Variants in IL26 observed in about 807,000 individuals in gnomAD.
The protein encoded by IL26 is interleukin 26, also known as interleukin-26.
In IL26, 23 loss-of-function variants were observed where a neutral mutation model predicts 21.7. The ratio of observed to expected loss-of-function variants is 1.06; its 90% CI spans 0.76 to 1.50. IL26 has a LOEUF of 1.50. Ranked by LOEUF, IL26 falls within the 40% of genes most tolerant of loss-of-function variation. The pLI is 0.00. For synonymous variants in IL26, 63 were observed against 67.8 expected (o/e 0.93, Z 0.34); for missense variants, 204 against 196.0 (o/e 1.04, Z -0.24).
At chr12:68,209,376 A>T (rs1868638431) in intron 3 of IL26, among the ~76,000 whole-genome samples, 1 of 152,240 alleles carries the variant, frequency 6.6e-6, no homozygotes, top group South Asian at 2.1e-4. Flanking sequence ...CATTGCATTA[A>T]GCACATGATT....
chr12:68,208,968 C>A (rs1868625892), intron 3 of IL26, among the ~76,000 whole-genome samples: 1 of 152,130 alleles, frequency 6.6e-6, no homozygotes, highest in South Asian at 2.1e-4. Flanking sequence ...GTCCACAAGC[C>A]TACTTGTTTC....
chr12:68,205,901 T>C (rs911440288), intron 3 of IL26, among the ~76,000 whole-genome samples: 4 of 152,240 alleles, frequency 2.6e-5, no homozygotes, highest in Non-Finnish European at 4.4e-5. Flanking sequence ...GCTTCTTCTA[T>C]GTCTTCTTCC....
intron 3 of IL26, among the ~76,000 whole-genome samples, chr12:68,214,922 C>A (rs980503716): frequency 6.6e-6 from 1 of 150,394 alleles, no homozygotes; most frequent in African/African-American, 2.4e-5. Flanking sequence ...TTTTTAACTC[C>A]TCTCTTCCTT....
intron 3 of IL26, among the ~76,000 whole-genome samples, chr12:68,223,538 A>T (rs1398753844): frequency 6.6e-6 from 1 of 152,218 alleles, no homozygotes; most frequent in Non-Finnish European, 1.5e-5. Flanking sequence ...CAAATTAGTA[A>T]TGAAAACCTG....
Position 68,222,499 on chromosome 12 carries a change from C to T in IL26, c.363+2650G>A, listed in dbSNP as rs537276181. 6.5e-4 allele frequency among the ~76,000 whole-genome samples: 99 copies of T among 152,338 alleles called. 2 individuals carry two copies. Among genetic ancestry groups the T allele is most frequent in the Middle Eastern group, 6.8e-3 (2 of 294 alleles). ...GCAGCATTCATTGCTCAATCAACCCCTCAGAATCCTGTTTAGCCTATAGCA... is the reference window on the plus strand; with the variant it reads ...GCAGCATTCATTGCTCAATCAACCCTTCAGAATCCTGTTTAGCCTATAGCA... On this transcript the variant is annotated intron_variant, in intron 3 of 4. Coordinates refer to ENST00000229134, the MANE Select transcript of IL26 (RefSeq NM_018402.2).
At position 68,219,167 on chromosome 12, in the gene IL26, G is replaced by C. The variant is rs73332725; in HGVS notation, c.363+5982C>G. ...AATAAAGAGAGAGAAAAAGTAAAAAGCTGTCACAACTAAATCTAATTGAAA... is the reference window on the plus strand; with the variant it reads ...AATAAAGAGAGAGAAAAAGTAAAAACCTGTCACAACTAAATCTAATTGAAA... On this transcript the variant is annotated intron_variant, in intron 3 of 4. Transcript: ENST00000229134. Among the ~76,000 whole-genome samples the C allele has an allele frequency of 7.9e-3, 1,202 of 152,028 alleles. 13 individuals are homozygous for C. Among genetic ancestry groups the C allele is most frequent in the African/African-American group, 0.027 (1,141 of 41,516 alleles).
At chr12:68,210,168 G>A (rs930604083) in intron 3 of IL26, among the ~76,000 whole-genome samples, 7 of 151,692 alleles carry the variant, frequency 4.6e-5, no homozygotes, top group African/African-American at 1.7e-4. Flanking sequence ...TAATTTTATT[G>A]TTTTACTGCA....
intron 3 of IL26, 96 bp downstream of exon 3, chr12:68,225,053 G>T: frequency 1.5e-6 from 2 of 1,299,924 alleles, no homozygotes; most frequent in South Asian, 1.7e-5. Context: ...TACAAAGCTC[G>T]TTTTACTCAC....
At chr12:68,225,059 C>T (rs1869198299) in intron 3 of IL26, 90 bp downstream of exon 3, 3 of 1,351,534 alleles carry the variant, frequency 2.2e-6, no homozygotes, top group East Asian at 4.8e-5. Context: ...GCTCGTTTTA[C>T]TCACCCTTTG....
At chr12:68,204,036 T>A (rs1868459422) in intron 3 of IL26, among the ~76,000 whole-genome samples, 1 of 152,174 alleles carries the variant, frequency 6.6e-6, no homozygotes, top group Non-Finnish European at 1.5e-5. Flanking sequence ...CTGTCATTAG[T>A]GCATCTGTGA....
intron 3 of IL26, among the ~76,000 whole-genome samples, chr12:68,210,338 CAAAAAAAAAAAAAAAA>C (rs540693081): frequency 1.4e-3 from 31 of 22,082 alleles, no homozygotes; most frequent in South Asian, 3.9e-3. Context: ...ATCAGTTTGG[CAAAAAAAAAAAAAAAA>C]AAAAAAAAAA....
At chr12:68,212,076 A>G (rs897237962) in intron 3 of IL26, among the ~76,000 whole-genome samples, 7 of 152,066 alleles carry the variant, frequency 4.6e-5, no homozygotes, top group African/African-American at 1.7e-4. Flanking sequence ...ATAGGAGTTT[A>G]GTTTCATTTT....
At position 68,225,215 on chromosome 12, in the gene IL26, C is replaced by A. The variant is rs1309139507; in HGVS notation, c.297G>T (p.Leu99Phe). The stretch of plus-strand genomic sequence containing the variant: ...CAAAGCGTATTTTCTTGCAGCCTTG[C>A]AATTGCAGTTGACCAAAAACGTCTT... ...FMEDVFGQLQ[L>F]QGCKKIRFVE... is the part of the protein sequence containing the mutation. Residue 99 changes from leucine (L) to phenylalanine (F), a missense_variant, in exon 3 of 5, where the codon TTG becomes TTT. By Grantham distance (22) the Leu-to-Phe change is conservative. Coordinates refer to ENST00000229134, the MANE Select transcript of IL26 (RefSeq NM_018402.2). The A allele has an allele frequency of 6.2e-7, 1 of 1,613,858 alleles. No individual in the cohort carries two copies. Among genetic ancestry groups the A allele is most frequent in the East Asian group, 2.2e-5 (1 of 44,870 alleles).
chr12:68,212,405 T>G (rs1868759270), intron 3 of IL26, among the ~76,000 whole-genome samples: 1 of 152,166 alleles, frequency 6.6e-6, no homozygotes, highest in South Asian at 2.1e-4. Context: ...AATTTTACCA[T>G]GTTTTTCTAT....
chr12:68,217,447 A>G (rs1868917297), intron 3 of IL26, among the ~76,000 whole-genome samples: 1 of 152,154 alleles, frequency 6.6e-6, no homozygotes, highest in African/African-American at 2.4e-5. Context: ...AAATCAGAAA[A>G]CCAACCACTT....
chr12:68,205,856 G>A (rs1186331683), intron 3 of IL26, among the ~76,000 whole-genome samples: 1 of 152,170 alleles, frequency 6.6e-6, no homozygotes. Context: ...GAACCCTTAT[G>A]CCAATTGTCT....
chr12:68,209,126 T>C (rs1014324350), intron 3 of IL26, among the ~76,000 whole-genome samples: 1 of 152,214 alleles, frequency 6.6e-6, no homozygotes, highest in Non-Finnish European at 1.5e-5. Context: ...ATATGATGGC[T>C]AAAGCAAAAA....
chr12:68,203,768 A>C lies in IL26; in HGVS notation c.364-1685T>G, dbSNP rs376523458. Reference sequence around the variant, plus strand: ...AATTGGGATGCTACCTTCAGATCAGACCCTGCATAGGAGGGAAGAGACTCT... The same window carrying C: ...AATTGGGATGCTACCTTCAGATCAGCCCCTGCATAGGAGGGAAGAGACTCT... On this transcript the variant is annotated intron_variant, in intron 3 of 4. Coordinates refer to ENST00000229134, the MANE Select transcript of IL26 (RefSeq NM_018402.2). 4.2e-4 allele frequency among the ~76,000 whole-genome samples: 64 copies of C among 152,170 alleles called. 2 individuals are homozygous for C. In the South Asian group the frequency reaches 0.012, roughly 30 times the overall value.
chr12:68,201,710 C>T lies in IL26; in HGVS notation c.*135G>A. The stretch of plus-strand genomic sequence containing the variant: ...CGTTAATTTACTAAATCCTTCTTGT[C>T]TATTCTGAATCACCTAACATGCCGT... On this transcript the variant is annotated 3_prime_UTR_variant, in exon 5 of 5. Coordinates refer to ENST00000229134, the MANE Select transcript of IL26 (RefSeq NM_018402.2). The T allele has an allele frequency of 1.9e-6, 1 of 518,758 alleles. No homozygotes were observed. The highest frequency in any genetic ancestry group is 4.2e-5 in the South Asian group (1 of 23,980). The allele number at this position is 518,758 out of a possible 1,614,324, so 32.1% of individuals were successfully genotyped here.
Sources: allele counts gnomAD v4.1 joint callset (sites outside exome capture counted in the v4.1 genomes callset), GRCh38; gene constraint gnomAD v4.1.1; transcripts MANE v1.5; gene names NCBI Gene and HGNC (gene_info 2026-07-23, HGNC 2026-07-21).